The following PNPLA1 variants were observed in gnomAD, a reference collection of about 807,000 sequenced individuals.
PNPLA1 encodes omega-hydroxyceramide transacylase.
In PNPLA1, 36 loss-of-function variants were observed where a neutral mutation model predicts 51.7. That is an observed-to-expected ratio of 0.70 (90% CI 0.53 to 0.92). PNPLA1 has a LOEUF of 0.92. PNPLA1 is among the 40% of genes least tolerant of loss of function. The pLI is 0.00. For missense variants in PNPLA1, 658 were observed against 682.5 expected (o/e 0.96, Z 0.40); for synonymous variants, 293 against 280.1 (o/e 1.05, Z -0.46).
intron 7 of PNPLA1, 100 bp downstream of exon 7, chr6:36,306,476 G>A: frequency 9.4e-7 from 1 of 1,060,898 alleles, no homozygotes; most frequent in Non-Finnish European, 1.4e-6. Context: ...CAGGAACTCT[G>A]GGATCCTTTT....
intron 1 of PNPLA1, among the ~76,000 whole-genome samples, chr6:36,250,741 G>A (rs1033168337): frequency 3.3e-5 from 5 of 152,140 alleles, no homozygotes; most frequent in African/African-American, 1.2e-4. Flanking sequence ...CTCACACTCT[G>A]TTGCCAGGCT....
At position 36,261,553 on chromosome 6, in the gene PNPLA1, C is replaced by T. The variant is rs770303916; in HGVS notation, c.-81+18292C>T. On this transcript the variant is annotated intron_variant, in intron 1 of 7. Coordinates refer to the PNPLA1 transcript ENST00000312917. The stretch of plus-strand genomic sequence containing the variant: ...TCATCAGGCTTGTGAGTTTGGTGAA[C>T]GTGTGTTCACCTCAGACGTGGTTCC... Among the ~76,000 whole-genome samples the T allele has an allele frequency of 4.6e-5, 7 of 152,210 alleles. 1 individual carries two copies. Among genetic ancestry groups the T allele is most frequent in the Non-Finnish European group, 4.4e-5 (3 of 68,022 alleles).
At chr6:36,304,233 G>GT (rs1771162868) in intron 6 of PNPLA1, among the ~76,000 whole-genome samples, 1 of 152,122 alleles carries the variant, frequency 6.6e-6, no homozygotes, top group Admixed American at 6.5e-5. Flanking sequence ...AGCTATTATG[G>GT]TAAACGTCAC....
intron 1 of PNPLA1, among the ~76,000 whole-genome samples, chr6:36,261,391 C>A (rs964280053): frequency 3.9e-5 from 6 of 152,238 alleles, no homozygotes; most frequent in African/African-American, 1.4e-4. Flanking sequence ...AAATAAGGCA[C>A]AGAAGTGCTC....
chr6:36,259,160 A>G (rs1769593728), intron 1 of PNPLA1, among the ~76,000 whole-genome samples: 1 of 152,210 alleles, frequency 6.6e-6, no homozygotes, highest in African/African-American at 2.4e-5. Context: ...AGGGAGTATT[A>G]TCTCAGTTTT....
rs56666166 is a variant in PNPLA1 at position 36,282,096 on chromosome 6, G to GAAA, written c.206-9224_206-9223insAAA. 3.2e-4 allele frequency among the ~76,000 whole-genome samples: 17 copies of GAAA among 52,672 alleles called. No individual in the cohort carries two copies. In the South Asian group the frequency reaches 5.4e-3, roughly 17 times the overall value. 34.6% of individuals were successfully genotyped at this position (52,672 alleles called of 152,430 possible). ...AAGAAAGAAAGAAAGAAAGAAGGAA[G>GAAA]GAAGGAAGGAAGGAAGGAAGGAAGG... On this transcript the variant is annotated intron_variant, in intron 1 of 8. Coordinates refer to ENST00000636260, the MANE Select transcript of PNPLA1 (RefSeq NM_001374623.1).
chr6:36,298,973 G>A lies in PNPLA1; in HGVS notation c.776-2888G>A, dbSNP rs181046600. On this transcript the variant is annotated intron_variant, in intron 5 of 8. Transcript: ENST00000636260. The stretch of plus-strand genomic sequence containing the variant: ...AGGATGGTCTCGATCTCCTCACCTC[G>A]TGATCTGCCTGCCTCGGCCTCCCAA... 1.9e-3 allele frequency among the ~76,000 whole-genome samples: 293 copies of A among 152,272 alleles called. 2 individuals are homozygous for A. The highest frequency in any genetic ancestry group is 6.6e-3 in the African/African-American group (274 of 41,570).
chr6:36,251,924 G>T (rs1358784687), intron 1 of PNPLA1, among the ~76,000 whole-genome samples: 1 of 152,132 alleles, frequency 6.6e-6, no homozygotes, highest in African/African-American at 2.4e-5. Context: ...CAGCCTGGAT[G>T]ACAGAGCAAG....
rs114719056 is a variant in PNPLA1 at position 36,297,583 on chromosome 6, T to C, written c.775+2159T>C. On this transcript the variant is annotated intron_variant, in intron 5 of 8. Transcript: ENST00000636260. ...TCTCCTCCCTCCCAAGGGAGGAGAATTAATTATTCTTGCTGCCAGGCAAGC... is the reference window on the plus strand; with the variant it reads ...TCTCCTCCCTCCCAAGGGAGGAGAACTAATTATTCTTGCTGCCAGGCAAGC... 4.1e-3 allele frequency among the ~76,000 whole-genome samples: 619 copies of C among 152,210 alleles called. 6 individuals carry two copies. Among genetic ancestry groups the C allele is most frequent in the African/African-American group, 0.014 (569 of 41,530 alleles).
upstream of PNPLA1, among the ~76,000 whole-genome samples, chr6:36,269,809 A>G (rs1168966641): frequency 6.7e-6 from 1 of 150,120 alleles, no homozygotes; most frequent in Non-Finnish European, 1.5e-5. Flanking sequence ...TTTATGTAAG[A>G]AAAACAAATA....
At chr6:36,256,224 C>T (rs950415752) in intron 1 of PNPLA1, among the ~76,000 whole-genome samples, 2 of 152,050 alleles carry the variant, frequency 1.3e-5, no homozygotes, top group Admixed American at 6.5e-5. Flanking sequence ...GGCATGGTGG[C>T]TCACGCCTGT....
chr6:36,297,888 A>ACACACC (rs60041749), intron 5 of PNPLA1, among the ~76,000 whole-genome samples: 20 of 150,784 alleles, frequency 1.3e-4, no homozygotes, highest in African/African-American at 3.4e-4. Flanking sequence ...ACACACACAC[A>ACACACC]CCCTGTGAAA....
intron 1 of PNPLA1, among the ~76,000 whole-genome samples, chr6:36,276,280 CA>C (rs1375207595): frequency 1.3e-5 from 2 of 152,132 alleles, no homozygotes; most frequent in Non-Finnish European, 2.9e-5. Flanking sequence ...AGGCTCTTCT[CA>C]AGGCCACTTC....
At chr6:36,246,665 G>A (rs1051681531) in intron 1 of PNPLA1, among the ~76,000 whole-genome samples, 2 of 152,090 alleles carry the variant, frequency 1.3e-5, no homozygotes, top group Non-Finnish European at 1.5e-5. Flanking sequence ...GAAACTAGAC[G>A]CTTTCCCACC....
chr6:36,265,525 T>C (rs949204215), upstream of PNPLA1, among the ~76,000 whole-genome samples: 1 of 152,244 alleles, frequency 6.6e-6, no homozygotes, highest in Admixed American at 6.5e-5. Flanking sequence ...GATAACAAAG[T>C]ATCTATACCT....
chr6:36,245,851 C>G (rs1032674527), intron 1 of PNPLA1, among the ~76,000 whole-genome samples: 12 of 152,180 alleles, frequency 7.9e-5, no homozygotes, highest in Admixed American at 6.5e-4. Context: ...CTCCCTGACT[C>G]CCCGCACAGT....
At chr6:36,310,308 C>A (rs1489279608) in intron 8 of PNPLA1, among the ~76,000 whole-genome samples, 1 of 152,192 alleles carries the variant, frequency 6.6e-6, no homozygotes, top group Non-Finnish European at 1.5e-5. Context: ...ATCAGCCTAG[C>A]TTTCCTCTGC....
chr6:36,253,730 C>T (rs949706605), intron 1 of PNPLA1, among the ~76,000 whole-genome samples: 1 of 152,188 alleles, frequency 6.6e-6, no homozygotes, highest in Non-Finnish European at 1.5e-5. Flanking sequence ...CCTCCTGCCT[C>T]GGCTTCCCAA....
intron 5 of PNPLA1, among the ~76,000 whole-genome samples, chr6:36,298,509 CT>C (rs957053048): frequency 6.6e-6 from 1 of 152,198 alleles, no homozygotes; most frequent in Non-Finnish European, 1.5e-5. Context: ...ATCTCTAGAA[CT>C]TTTTCATCTT....
Sources: gnomAD v4.1 joint callset for allele counts (sites outside exome capture counted in the v4.1 genomes callset) on GRCh38, gnomAD v4.1.1 for gene constraint, MANE v1.5 for transcripts, NCBI Gene and HGNC (gene_info 2026-07-23, HGNC 2026-07-21) for gene names.